The following NOS1AP variants were observed in gnomAD, a reference collection of about 807,000 sequenced individuals.
The protein encoded by NOS1AP is nitric oxide synthase 1 adaptor protein, also known as carboxyl-terminal PDZ ligand of neuronal nitric oxide synthase protein.
NOS1AP carries 21 observed loss-of-function variants against 56.2 expected under a neutral mutation model. The ratio of observed to expected loss-of-function variants is 0.37; its 90% CI spans 0.26 to 0.54. NOS1AP has a LOEUF of 0.54. Among genes scored for constraint, NOS1AP ranks in the 20% least tolerant of loss-of-function variants. The pLI is 0.84. For missense variants in NOS1AP, 522 were observed against 657.8 expected, an observed-to-expected ratio of 0.79 and a Z score of 2.26; for synonymous variants, 270 against 274.6, an observed-to-expected ratio of 0.98 and a Z score of 0.17.
At chr1:162,203,266 G>T (rs905334638) in intron 2 of NOS1AP, among the ~76,000 whole-genome samples, 1 of 152,282 alleles carries the variant, frequency 6.6e-6, no homozygotes, top group East Asian at 1.9e-4. Flanking sequence ...ATGCTTGTCC[G>T]TCTGTCTGTT....
intron 2 of NOS1AP, among the ~76,000 whole-genome samples, chr1:162,233,003 C>CA (rs923935696): frequency 2.0e-4 from 30 of 152,164 alleles, no homozygotes; most frequent in African/African-American, 5.8e-4. Context: ...AGTCTGGCTC[C>CA]ATAGTCTGTG....
At chr1:162,352,521 A>G (rs1657549192) in intron 6 of NOS1AP, among the ~76,000 whole-genome samples, 1 of 152,046 alleles carries the variant, frequency 6.6e-6, no homozygotes, top group African/African-American at 2.4e-5. Flanking sequence ...TAATCTACAC[A>G]GCCTGCCATA....
At chr1:162,129,233 C>T (rs920545907) in intron 1 of NOS1AP, among the ~76,000 whole-genome samples, 1 of 152,088 alleles carries the variant, frequency 6.6e-6, no homozygotes, top group African/African-American at 2.4e-5. Context: ...CCTCAGGATT[C>T]TCTGTCCCCT....
chr1:162,219,073 G>T (rs1025398914), intron 2 of NOS1AP, among the ~76,000 whole-genome samples: 1 of 151,796 alleles, frequency 6.6e-6, no homozygotes, highest in Non-Finnish European at 1.5e-5. Flanking sequence ...TAATAGCTTC[G>T]GCATGACATT....
chr1:162,261,500 GA>G (rs747260244), intron 2 of NOS1AP, among the ~76,000 whole-genome samples: 2 of 2,214 alleles, frequency 9.0e-4, no homozygotes, highest in Non-Finnish European at 2.5e-3. Flanking sequence ...GAGAGAGAGA[GA>G]GAGAGAGAGA....
chr1:162,086,007 A>G (rs1381034408), intron 1 of NOS1AP, among the ~76,000 whole-genome samples: 2 of 152,138 alleles, frequency 1.3e-5, no homozygotes, highest in Non-Finnish European at 2.9e-5. Context: ...GACAAAAATG[A>G]GCTCAAGGCT....
chr1:162,125,684 A>G (rs534611193), intron 1 of NOS1AP, among the ~76,000 whole-genome samples: 15 of 152,160 alleles, frequency 9.9e-5, no homozygotes, highest in Non-Finnish European at 2.2e-4. Flanking sequence ...GCCTTGTAGT[A>G]TAATTTGATG....
chr1:162,116,514 A>G (rs1308322759), intron 1 of NOS1AP, among the ~76,000 whole-genome samples: 1 of 152,104 alleles, frequency 6.6e-6, no homozygotes, highest in African/African-American at 2.4e-5. Flanking sequence ...CGAGTCCCAT[A>G]TTTACTCCTA....
At chr1:162,256,720 G>A (rs879458703) in intron 2 of NOS1AP, among the ~76,000 whole-genome samples, 1 of 152,162 alleles carries the variant, frequency 6.6e-6, no homozygotes, top group Non-Finnish European at 1.5e-5. Context: ...ATGAAGTAAC[G>A]GGGTCTCCTA....
At chr1:162,267,065 C>A (rs1357289140) in intron 2 of NOS1AP, among the ~76,000 whole-genome samples, 1 of 152,102 alleles carries the variant, frequency 6.6e-6, no homozygotes, top group African/African-American at 2.4e-5. Context: ...AATGATCAAA[C>A]AAATATAAAC....
In NOS1AP at chr1:162,096,341, T is replaced by C. The variant is rs983564106; in HGVS notation, c.105+26059T>C. On this transcript the variant is annotated intron_variant, in intron 1 of 9. Transcript: ENST00000361897. ...TAATTGTTAGGTGACTTTGCCCTCA[T>C]ATCAAACCAGTGTCTTCCAGTGTAA... Among the ~76,000 whole-genome samples, 32 of 152,224 alleles carry C rather than the reference T, an allele frequency of 2.1e-4. 1 individual carries two copies. Among genetic ancestry groups the C allele is most frequent in the Admixed American group, 2.0e-4 (3 of 15,282 alleles).
At chr1:162,193,225 A>G (rs1557827499) in intron 2 of NOS1AP, among the ~76,000 whole-genome samples, 2 of 152,188 alleles carry the variant, frequency 1.3e-5, no homozygotes, top group Admixed American at 6.5e-5. Context: ...TTGTTTGATA[A>G]TAATAGGAGC....
intron 1 of NOS1AP, among the ~76,000 whole-genome samples, chr1:162,116,128 G>A (rs1012982250): frequency 6.6e-6 from 1 of 152,180 alleles, no homozygotes; most frequent in Admixed American, 6.5e-5. Flanking sequence ...TTGTGAGGCT[G>A]AGCCCCTGGC....
intron 2 of NOS1AP, among the ~76,000 whole-genome samples, chr1:162,285,372 G>A (rs559165676): frequency 6.6e-6 from 1 of 152,316 alleles, no homozygotes; most frequent in East Asian, 1.9e-4. Flanking sequence ...GCCAAAGTCA[G>A]CCGACTTGCA....
At chr1:162,283,874 C>T (rs1308881461) in intron 2 of NOS1AP, among the ~76,000 whole-genome samples, 7 of 152,158 alleles carry the variant, frequency 4.6e-5, no homozygotes, top group African/African-American at 1.7e-4. Flanking sequence ...TCAGGGAGGG[C>T]CAGGCCCGTT....
chr1:162,295,175 C>A (rs1655415606), intron 3 of NOS1AP, among the ~76,000 whole-genome samples: 1 of 152,162 alleles, frequency 6.6e-6, no homozygotes, highest in South Asian at 2.1e-4. Flanking sequence ...TGTGTCCCCT[C>A]CTTTTCTCCT....
At chr1:162,195,422 G>A (rs1023689193) in intron 2 of NOS1AP, among the ~76,000 whole-genome samples, 1 of 152,078 alleles carries the variant, frequency 6.6e-6, no homozygotes, top group African/African-American at 2.4e-5. Flanking sequence ...GTAATGTCAG[G>A]TTTACCATTG....
chr1:162,257,350 A>G (rs1654062840), intron 2 of NOS1AP, among the ~76,000 whole-genome samples: 1 of 152,040 alleles, frequency 6.6e-6, no homozygotes, highest in Admixed American at 6.5e-5. Context: ...TACTGAAGAG[A>G]AAGCAAGCCA....
Position 162,315,360 on chromosome 1 carries a change from A to T in NOS1AP, c.344+14654A>T, listed in dbSNP as rs374927787. ...CTCCGCAGCATGAGCATTTTGCACTAAACACCTGTCTAGATACTGCCACAG... is the reference window on the plus strand; with the variant it reads ...CTCCGCAGCATGAGCATTTTGCACTTAACACCTGTCTAGATACTGCCACAG... On this transcript the variant is annotated intron_variant, in intron 4 of 9. Transcript: ENST00000361897. Among the ~76,000 whole-genome samples the T allele has an allele frequency of 2.2e-3, 329 of 152,298 alleles. 2 individuals are homozygous for T. Among genetic ancestry groups the T allele is most frequent in the African/African-American group, 7.7e-3 (320 of 41,580 alleles).
Sources: allele counts gnomAD v4.1 joint callset (sites outside exome capture counted in the v4.1 genomes callset), GRCh38; gene constraint gnomAD v4.1.1; transcripts MANE v1.5; gene names NCBI Gene and HGNC (gene_info 2026-07-23, HGNC 2026-07-21).